MID1: variants seen among roughly 807,000 people sequenced by gnomAD.
MID1 encodes the protein midline 1.
MID1 carries 7 observed loss-of-function variants against 40.4 expected under a neutral mutation model. That is an observed-to-expected ratio of 0.17 (90% CI 0.10 to 0.33). The LOEUF is 0.33. MID1 is among the 10% of genes least tolerant of loss of function. MID1 has a pLI of 1.00. For synonymous variants in MID1, 229 were observed against 221.2 expected (o/e 1.04, Z -0.31); for missense variants, 367 against 558.5 (o/e 0.66, Z 3.46).
At chrX:10,626,963 T>C (rs1305103715) in intron 1 of MID1, among the ~76,000 whole-genome samples, 1 of 111,428 alleles carries the variant, frequency 9.0e-6, no homozygotes, top group African/African-American at 3.3e-5. Flanking sequence ...TAAAGGCACA[T>C]TATGGGAAAT....
At chrX:10,533,719 A>G (rs909112316) in intron 2 of MID1, among the ~76,000 whole-genome samples, 1 of 112,131 alleles carries the variant, frequency 8.9e-6, no homozygotes, top group Non-Finnish European at 1.9e-5. Context: ...GATGTCTTAA[A>G]TTATGGATAA....
intron 7 of MID1, among the ~76,000 whole-genome samples, chrX:10,461,315 G>A (rs750446362): frequency 2.8e-5 from 3 of 108,965 alleles, no homozygotes; most frequent in South Asian, 4.0e-4. Context: ...GTGTGTGTGT[G>A]TTTATATTTG....
intron 1 of MID1, among the ~76,000 whole-genome samples, chrX:10,813,335 C>T (rs750974159): frequency 2.7e-5 from 3 of 111,447 alleles, no homozygotes; most frequent in Admixed American, 9.6e-5. Flanking sequence ...CTTGCATTTG[C>T]TGGGTCCTGC....
intron 1 of MID1, among the ~76,000 whole-genome samples, chrX:10,735,896 T>G (rs925540246): frequency 2.7e-5 from 3 of 111,271 alleles, no homozygotes; most frequent in African/African-American, 9.8e-5. Flanking sequence ...TCTCCCAAAG[T>G]GCTGGGATTA....
intron 1 of MID1, among the ~76,000 whole-genome samples, chrX:10,735,356 C>T (rs1254565018): frequency 1.1e-4 from 12 of 112,499 alleles, no homozygotes; most frequent in African/African-American, 3.9e-4. Context: ...TCTGCCTCAG[C>T]CTCCCAAAGT....
chrX:10,587,161 T>C (rs1935159426), intron 1 of MID1, among the ~76,000 whole-genome samples: 1 of 112,502 alleles, frequency 8.9e-6, no homozygotes, highest in Non-Finnish European at 1.9e-5. Flanking sequence ...TCTTATTTTT[T>C]CTCCTGCTGG....
intron 1 of MID1, among the ~76,000 whole-genome samples, chrX:10,680,340 G>A (rs1392621599): frequency 8.9e-6 from 1 of 111,862 alleles, no homozygotes; most frequent in Non-Finnish European, 1.9e-5. Context: ...GTGACCAAGG[G>A]TATTTGGGAA....
At chrX:10,572,459 G>A (rs144930015) in intron 1 of MID1, among the ~76,000 whole-genome samples, 1,359 of 109,986 alleles carry the variant, frequency 0.012, 29 homozygotes, top group African/African-American at 0.042. Flanking sequence ...GCTGAGGCAG[G>A]AGAATCACTT....
upstream of MID1, among the ~76,000 whole-genome samples, chrX:10,623,365 T>G (rs1350799316): frequency 9.2e-6 from 1 of 108,138 alleles, no homozygotes; most frequent in Non-Finnish European, 1.9e-5. Flanking sequence ...GTGAAGTGAG[T>G]AAAAGAGCTT....
chrX:10,506,517 C>T (rs1259136150), intron 3 of MID1: 1 of 516,595 alleles, frequency 1.9e-6, no homozygotes, highest in South Asian at 2.5e-5. Context: ...ATTTATGTAA[C>T]ATCTCCCATC....
rs183775172 is a variant in MID1, at chrX:10,548,877, G to A, written c.660+18011C>T. On this transcript the variant is annotated intron_variant, in intron 2 of 9. Transcript: ENST00000317552. ...CAAATTTACTCAGATGTATTCAAAA[G>A]AAATCTGAGATAAAGTATCTCCCCA... 7.9e-3 allele frequency among the ~76,000 whole-genome samples: 886 copies of A among 112,061 alleles called. 2 individuals are homozygous for A. Among genetic ancestry groups the A allele is most frequent in the Non-Finnish European group, 0.012 (643 of 53,195 alleles).
At chrX:10,732,339 T>G (rs1013934450) in intron 1 of MID1, among the ~76,000 whole-genome samples, 5 of 112,417 alleles carry the variant, frequency 4.4e-5, no homozygotes, top group Non-Finnish European at 7.5e-5. Flanking sequence ...AATGACATTT[T>G]AACACATCAG....
intron 1 of MID1, among the ~76,000 whole-genome samples, chrX:10,782,792 A>G (rs112824707): frequency 0.054 from 6,062 of 111,914 alleles, 412 homozygotes; most frequent in African/African-American, 0.19. Flanking sequence ...TATATGATCA[A>G]TCAAAAATTT....
intron 1 of MID1, among the ~76,000 whole-genome samples, chrX:10,813,494 C>G (rs2044116567): frequency 9.0e-6 from 1 of 111,312 alleles, no homozygotes; most frequent in Non-Finnish European, 1.9e-5. Context: ...GTAACTTGGC[C>G]CAGGTCACAT....
chrX:10,534,921 G>C (rs1006162754), intron 2 of MID1, among the ~76,000 whole-genome samples: 1 of 112,546 alleles, frequency 8.9e-6, no homozygotes, highest in East Asian at 2.8e-4. Flanking sequence ...ACAGACCCTT[G>C]CCTAAGTTTT....
upstream of MID1, among the ~76,000 whole-genome samples, chrX:10,623,083 C>CAAAAAAAAAAAAAAAAAA (rs763054366): frequency 1.8e-4 from 6 of 32,507 alleles, no homozygotes; most frequent in African/African-American, 4.0e-4. Context: ...GCTGTCTCTA[C>CAAAAAAAAAAAAAAAAAA]AAAAAAAAAA....
At chrX:10,672,767 C>T (rs762575223) in intron 1 of MID1, among the ~76,000 whole-genome samples, 78 of 111,179 alleles carry the variant, frequency 7.0e-4, no homozygotes, top group Non-Finnish European at 1.4e-3. Flanking sequence ...TCATTGCAGC[C>T]TCAAACTCCT....
At chrX:10,588,996 T>C (rs982569151) in intron 1 of MID1, among the ~76,000 whole-genome samples, 5 of 111,573 alleles carry the variant, frequency 4.5e-5, no homozygotes, top group African/African-American at 9.8e-5. Context: ...TAGTTCCTAG[T>C]AGGGTGGGCT....
intron 1 of MID1, among the ~76,000 whole-genome samples, chrX:10,635,890 A>G (rs1359579991): frequency 1.8e-5 from 2 of 112,308 alleles, no homozygotes; most frequent in Admixed American, 1.9e-4. Context: ...GATTGAAAGC[A>G]ATGTCACATG....
Sources: allele counts gnomAD v4.1 joint callset (sites outside exome capture counted in the v4.1 genomes callset), GRCh38; gene constraint gnomAD v4.1.1; transcripts MANE v1.5; gene names NCBI Gene and HGNC (gene_info 2026-07-23, HGNC 2026-07-21).